Variants in TPRG1 observed in about 807,000 individuals in gnomAD.
TPRG1 encodes tumor protein p63 regulated 1.
TPRG1 carries 29 observed loss-of-function variants against 29.3 expected under a neutral mutation model. The ratio of observed to expected loss-of-function variants is 0.99; its 90% confidence interval spans 0.74 to 1.35. The LOEUF is 1.35. Among genes scored for constraint, TPRG1 ranks in the 40% most tolerant of loss-of-function variants. The pLI is 0.00. For synonymous variants in TPRG1, 130 were observed against 116.8 expected, an observed-to-expected ratio of 1.11 and a Z score of -0.73; for missense variants, 327 against 335.0, an observed-to-expected ratio of 0.98 and a Z score of 0.19.
intron 1 of TPRG1, among the ~76,000 whole-genome samples, chr3:189,108,317 A>G (rs561400156): frequency 3.3e-5 from 5 of 152,156 alleles, no homozygotes; most frequent in Admixed American, 2.6e-4. Context: ...ACAGCAACTT[A>G]TAGAACATGG....
intron 1 of TPRG1, among the ~76,000 whole-genome samples, chr3:189,202,680 T>A (rs1169789120): frequency 2.0e-5 from 3 of 152,158 alleles, no homozygotes; most frequent in African/African-American, 7.2e-5. Flanking sequence ...TGCTAAAAGT[T>A]TTGTGAACCT....
intron 1 of TPRG1, among the ~76,000 whole-genome samples, chr3:189,102,695 G>C (rs1719346916): frequency 6.6e-6 from 1 of 151,882 alleles, no homozygotes; most frequent in African/African-American, 2.4e-5. Flanking sequence ...TGTTCATTCT[G>C]TTTGTTTTAA....
intron 3 of TPRG1, among the ~76,000 whole-genome samples, chr3:189,229,391 G>C (rs1047981215): frequency 6.6e-6 from 1 of 152,190 alleles, no homozygotes; most frequent in Non-Finnish European, 1.5e-5. Context: ...GCCTTTGGCC[G>C]TAGCTGACTG....
At chr3:189,113,788 C>G (rs60258160) in intron 1 of TPRG1, among the ~76,000 whole-genome samples, 3,691 of 151,552 alleles carry the variant, frequency 0.024, 153 homozygotes, top group African/African-American at 0.085. Context: ...GGACGGGGGA[C>G]GGATAGCTTT....
rs80266449 is a variant in TPRG1 at position 189,263,720 on chromosome 3, G to T, written c.479+24811G>T. 5.9e-4 allele frequency among the ~76,000 whole-genome samples: 90 copies of T among 152,280 alleles called. No individual in the cohort carries two copies. In the Middle Eastern group the frequency reaches 0.02, roughly 35 times the overall value. On this transcript the variant is annotated intron_variant, in intron 4 of 5. Transcript: ENST00000345063. Reference sequence around the variant, plus strand: ...AGATAATACGCATAAATCACCTGGGGTTTCTTGGGGAATGGTATTATATAA... The same window carrying T: ...AGATAATACGCATAAATCACCTGGGTTTTCTTGGGGAATGGTATTATATAA...
At chr3:189,253,591 T>C (rs979432885) in intron 4 of TPRG1, among the ~76,000 whole-genome samples, 2 of 152,232 alleles carry the variant, frequency 1.3e-5, no homozygotes, top group Non-Finnish European at 2.9e-5. Context: ...AGTCAAATGA[T>C]TGATAATCCT....
chr3:189,222,340 TA>T (rs1288135830), intron 3 of TPRG1, among the ~76,000 whole-genome samples: 3 of 151,920 alleles, frequency 2.0e-5, no homozygotes, highest in South Asian at 2.1e-4. Context: ...GGAAAAAGGT[TA>T]AAAAAAACTG....
chr3:189,065,958 T>C (rs1162257145), intron 4 of TPRG1, among the ~76,000 whole-genome samples: 1 of 152,136 alleles, frequency 6.6e-6, no homozygotes, highest in Non-Finnish European at 1.5e-5. Flanking sequence ...TCATCAACTT[T>C]GCAGGATATA....
At chr3:189,209,627 A>C (rs1734951803) in intron 2 of TPRG1, among the ~76,000 whole-genome samples, 1 of 152,152 alleles carries the variant, frequency 6.6e-6, no homozygotes, top group South Asian at 2.1e-4. Context: ...ACCTGTCCAA[A>C]TCATATAATG....
rs576756783 is a variant in TPRG1 at position 189,198,340 on chromosome 3, A to C, written c.-9-9036A>C. 3.9e-5 allele frequency among the ~76,000 whole-genome samples: 6 copies of C among 152,236 alleles called. No individual in the cohort carries two copies. In the South Asian group the frequency reaches 1.2e-3, roughly 32 times the overall value. On this transcript the variant is annotated intron_variant, in intron 1 of 5. Coordinates refer to ENST00000345063, the MANE Select transcript of TPRG1 (RefSeq NM_198485.4). ...CTTCTGTCTCTATGGTGTTTTGTGC[A>C]CATACTCCTATCATGACTCTATCAC...
At chr3:189,222,845 G>A (rs1737144348) in intron 3 of TPRG1, among the ~76,000 whole-genome samples, 1 of 152,032 alleles carries the variant, frequency 6.6e-6, no homozygotes, top group East Asian at 1.9e-4. Flanking sequence ...CAAATTTCCG[G>A]TGCTATCCCT....
chr3:189,114,662 A>G (rs572662569), intron 1 of TPRG1, among the ~76,000 whole-genome samples: 1 of 152,306 alleles, frequency 6.6e-6, no homozygotes, highest in Admixed American at 6.5e-5. Context: ...GCCACAAGGA[A>G]GAAGAGGACT....
chr3:189,041,056 G>C (rs1714603847), intron 4 of TPRG1, among the ~76,000 whole-genome samples: 1 of 152,136 alleles, frequency 6.6e-6, no homozygotes, highest in African/African-American at 2.4e-5. Context: ...TTGCACTTTA[G>C]CCTGGATAAC....
intron 1 of TPRG1, among the ~76,000 whole-genome samples, chr3:189,175,310 G>T (rs1451327804): frequency 1.3e-5 from 2 of 152,182 alleles, no homozygotes; most frequent in Admixed American, 1.3e-4. Flanking sequence ...TTCAACAAGA[G>T]AAGAGTTTAA....
chr3:189,178,303 C>T (rs1016064548), intron 1 of TPRG1, among the ~76,000 whole-genome samples: 1 of 152,102 alleles, frequency 6.6e-6, no homozygotes, highest in Non-Finnish European at 1.5e-5. Context: ...CCAAGGTGGG[C>T]AGATCACTTG....
chr3:189,164,234 C>G (rs911474510), intron 5 of TPRG1, among the ~76,000 whole-genome samples: 2 of 152,094 alleles, frequency 1.3e-5, no homozygotes, highest in Non-Finnish European at 2.9e-5. Flanking sequence ...GCGATCTCCA[C>G]TCACTGCAAC....
At chr3:189,253,351 T>C (rs1205554299) in intron 4 of TPRG1, among the ~76,000 whole-genome samples, 2 of 152,192 alleles carry the variant, frequency 1.3e-5, no homozygotes, top group East Asian at 3.8e-4. Flanking sequence ...TTATGTGGTG[T>C]TTGGTTTTCT....
intron 4 of TPRG1, among the ~76,000 whole-genome samples, chr3:189,287,232 T>C (rs911404562): frequency 1.6e-4 from 25 of 152,046 alleles, no homozygotes; most frequent in Admixed American, 1.3e-3. Flanking sequence ...CCTTTTACAA[T>C]TGAAGAAAAG....
intron 1 of TPRG1, among the ~76,000 whole-genome samples, chr3:189,111,114 AAAC>A (rs895447806): frequency 4.5e-5 from 5 of 110,976 alleles, no homozygotes; most frequent in African/African-American, 4.0e-4. Flanking sequence ...AAAAACAAAC[AAAC>A]AAAAAAAATC....
Sources: gnomAD v4.1 joint callset for allele counts (sites outside exome capture counted in the v4.1 genomes callset) on GRCh38, gnomAD v4.1.1 for gene constraint, MANE v1.5 for transcripts, NCBI Gene and HGNC (gene_info 2026-07-23, HGNC 2026-07-21) for gene names.